The following MPHOSPH9 variants were observed in gnomAD, a reference collection of about 807,000 sequenced individuals.
The protein encoded by MPHOSPH9 is M-phase phosphoprotein 9.
In MPHOSPH9, 88 loss-of-function variants were observed where a neutral mutation model predicts 145.5. That is an observed-to-expected ratio of 0.60 (90% CI 0.51 to 0.72). MPHOSPH9 has a LOEUF of 0.72. MPHOSPH9 is among the 30% of genes least tolerant of loss of function. The pLI, the probability that MPHOSPH9 is intolerant of heterozygous loss-of-function variation, is 0.00. For synonymous variants in MPHOSPH9, 435 were observed against 486.2 expected (o/e 0.89, Z 1.39); for missense variants, 1,238 against 1,386.6 (o/e 0.89, Z 1.70).
intron 8 of MPHOSPH9, 144 bp downstream of exon 8, chr12:123,209,912 A>G: frequency 2.3e-6 from 1 of 434,336 alleles, no homozygotes; most frequent in Non-Finnish European, 4.0e-6. Context: ...AATTTTTTGT[A>G]TTTTTAGTAG....
chr12:123,205,127 C>T (rs4759407), intron 8 of MPHOSPH9, among the ~76,000 whole-genome samples: 7,204 of 152,230 alleles, frequency 0.047, 317 homozygotes, highest in East Asian at 0.27. Context: ...ACTGAAAGAA[C>T]ACATTAATCA....
At chr12:123,232,920 C>G (rs968350611) in intron 1 of MPHOSPH9, 155 bp downstream of exon 1, 1 of 152,352 alleles carries the variant, frequency 6.6e-6, no homozygotes, top group Non-Finnish European at 1.5e-5. Context: ...AGCTCCCACA[C>G]GCCGAAGGGC....
At chr12:123,225,277 C>G (rs555382559) in intron 3 of MPHOSPH9, among the ~76,000 whole-genome samples, 7,011 of 151,074 alleles carry the variant, frequency 0.046, 307 homozygotes, top group East Asian at 0.27. Flanking sequence ...AACCTTGTCT[C>G]AACAAAAAAT....
chr12:123,222,309 A>G (rs1301382184), intron 4 of MPHOSPH9, among the ~76,000 whole-genome samples: 1 of 146,454 alleles, frequency 6.8e-6, no homozygotes, highest in Non-Finnish European at 1.5e-5. Context: ...TGGGTGACAG[A>G]GTGAGACCTT....
intron 15 of MPHOSPH9, among the ~76,000 whole-genome samples, chr12:123,177,852 T>C (rs1316369819): frequency 1.1e-5 from 1 of 92,050 alleles, no homozygotes; most frequent in East Asian, 3.8e-4. Context: ...ACCAAAAAAA[T>C]TTCAAAAAAA....
At position 123,171,037 on chromosome 12, in the gene MPHOSPH9, G is replaced by T. The variant is rs763880462; in HGVS notation, c.2457-4248C>A. Among the ~76,000 whole-genome samples, 32 of 152,314 alleles carry T rather than the reference G, an allele frequency of 2.1e-4. 1 individual carries two copies. The highest frequency in any genetic ancestry group is 4.0e-4 in the Non-Finnish European group (27 of 68,034). ...ATTAGCCATCAGGGATCTGTGCGCT[G>T]CTTGTTATATTCTTTTACCATTTTT... On this transcript the variant is annotated intron_variant, in intron 16 of 23. Transcript: ENST00000606320.
chr12:123,180,599 G>A (rs1470463998), intron 14 of MPHOSPH9, among the ~76,000 whole-genome samples: 1 of 152,204 alleles, frequency 6.6e-6, no homozygotes, highest in African/African-American at 2.4e-5. Flanking sequence ...ATGGCTGGGT[G>A]CAGTGGCTCA....
At chr12:123,217,824 A>C (rs1293460259) in intron 6 of MPHOSPH9, among the ~76,000 whole-genome samples, 3 of 151,864 alleles carry the variant, frequency 2.0e-5, no homozygotes, top group African/African-American at 7.3e-5. Flanking sequence ...TGGGTGGATC[A>C]CCTGAGGTCA....
At chr12:123,169,751 C>T (rs1443569793) in intron 16 of MPHOSPH9, among the ~76,000 whole-genome samples, 2 of 151,656 alleles carry the variant, frequency 1.3e-5, no homozygotes, top group Non-Finnish European at 2.9e-5. Flanking sequence ...CAGGGGCCCA[C>T]CACTGTGCCC....
chr12:123,213,086 C>G (rs1017640098), intron 7 of MPHOSPH9, among the ~76,000 whole-genome samples: 11 of 151,992 alleles, frequency 7.2e-5, no homozygotes, highest in Admixed American at 2.0e-4. Context: ...GTCTCGATCG[C>G]CTGACCTCGT....
rs1487049030 is a variant in MPHOSPH9, at chr12:123,165,292, A to G, written c.2767+10T>C. On this transcript the variant is annotated intron_variant, in intron 18 of 23. Coordinates refer to ENST00000606320, the MANE Select transcript of MPHOSPH9 (RefSeq NM_022782.4). Reference sequence around the variant, plus strand: ...CTATATCCATCTATCTCAAACAAGGAAATACTCACTATTTGAGGTGTCCTC... The same window carrying G: ...CTATATCCATCTATCTCAAACAAGGGAATACTCACTATTTGAGGTGTCCTC... The G allele has an allele frequency of 1.9e-6, 3 of 1,603,524 alleles. No individual in the cohort carries two copies. Among genetic ancestry groups the G allele is most frequent in the Non-Finnish European group, 1.7e-6 (2 of 1,173,010 alleles).
Position 123,154,276 on chromosome 12 carries a change from A to G in MPHOSPH9, c.*2531T>C, listed in dbSNP as rs2043821119. The G allele has an allele frequency of 6.6e-6, 1 of 151,872 alleles. No homozygotes were observed. Among genetic ancestry groups the G allele is most frequent in the African/African-American group, 2.4e-5 (1 of 41,352 alleles). The allele number at this position is 151,872 out of a possible 1,614,324, so 9.4% of individuals were successfully genotyped here. The stretch of plus-strand genomic sequence containing the variant: ...TGCAGCAAAGCCCCAAGCCAACAAC[A>G]AAAATAGTTTATACCCGGGGATAAT... On this transcript the variant is annotated 3_prime_UTR_variant, in exon 24 of 24. Coordinates refer to ENST00000606320, the MANE Select transcript of MPHOSPH9 (RefSeq NM_022782.4).
intron 8 of MPHOSPH9, among the ~76,000 whole-genome samples, chr12:123,205,444 G>A (rs1341298402): frequency 6.6e-6 from 1 of 152,060 alleles, no homozygotes; most frequent in Non-Finnish European, 1.5e-5. Context: ...TACTTGGGAG[G>A]CTGAAGCAGG....
chr12:123,168,397 G>A (rs1398220804), intron 16 of MPHOSPH9, among the ~76,000 whole-genome samples: 4 of 147,548 alleles, frequency 2.7e-5, no homozygotes, highest in African/African-American at 5.1e-5. Flanking sequence ...GCTGGAGTAC[G>A]GTGGCGTGAT....
In MPHOSPH9 at chr12:123,221,367, C is replaced by A; in HGVS notation, c.872+5G>T. 6.4e-7 allele frequency: 1 copy of A among 1,558,212 alleles called. No individual in the cohort carries two copies. The highest frequency in any genetic ancestry group is 8.7e-7 in the Non-Finnish European group (1 of 1,153,860). ...CTCCCTTCAAATGATAGAAATTCTA[C>A]TTACCTATTTGTTTTCCCACTGTAT... is the stretch of plus-strand genomic sequence containing the variant. On this transcript the variant is annotated splice_donor_5th_base_variant and intron_variant, in intron 5 of 23. Coordinates refer to ENST00000606320, the MANE Select transcript of MPHOSPH9 (RefSeq NM_022782.4).
Position 123,227,524 on chromosome 12 carries a change from G to T in MPHOSPH9, c.197C>A (p.Ser66Tyr), listed in dbSNP as rs1020419171. The part of the protein sequence containing the change: ...VIQGTVEVLT[S>Y]LMQELQNSGK... Reference sequence around the variant, plus strand: ...ACTGTTTTGTAGCTCTTGCATTAAAGAAGTTAGGACTTCAACTGTACCTTG... The same window carrying T: ...ACTGTTTTGTAGCTCTTGCATTAAATAAGTTAGGACTTCAACTGTACCTTG... Residue 66 changes from serine to tyrosine, a missense_variant, in exon 3 of 24, where the codon TCT becomes TAT. Coordinates refer to ENST00000606320, the MANE Select transcript of MPHOSPH9 (RefSeq NM_022782.4). 9 of 1,531,122 alleles carry T rather than the reference G, an allele frequency of 5.9e-6. No homozygotes were observed. Among genetic ancestry groups the T allele is most frequent in the Admixed American group, 2.0e-5 (1 of 50,760 alleles). The allele number at this position is 1,531,122 out of a possible 1,614,324, so 94.8% of individuals were successfully genotyped here.
chr12:123,239,223 GGC>G (rs2047893621), intron 1 of MPHOSPH9, among the ~76,000 whole-genome samples: 1 of 152,160 alleles, frequency 6.6e-6, no homozygotes, highest in East Asian at 1.9e-4. Flanking sequence ...GAGCTGAGAT[GGC>G]GCCACTATAC....
At chr12:123,235,758 T>C (rs898490213), upstream of MPHOSPH9, among the ~76,000 whole-genome samples, 5 of 151,926 alleles carry the variant, frequency 3.3e-5, no homozygotes, top group Non-Finnish European at 7.4e-5. Flanking sequence ...TGTACTTGAC[T>C]AGTCTTTTTA....
chr12:123,176,702 T>C lies in MPHOSPH9; in HGVS notation c.2442A>G (p.Arg814=). 6.2e-7 allele frequency: 1 copy of C among 1,612,268 alleles called. No individual in the cohort carries two copies. Among genetic ancestry groups the C allele is most frequent in the Non-Finnish European group, 8.5e-7 (1 of 1,178,418 alleles). The change falls in exon 16 of 24, where the codon AGA becomes AGG. Residue 814 remains arginine (R), a synonymous_variant. Transcript: ENST00000606320. ...SLRHNSRIHV[R]PSRANTLATS... is the part of the protein sequence containing the mutation. ...AAATAACTTACTTGGCACGCGAGGGTCTCACGTGAATTCTAGAATTATGAC... is the reference window on the plus strand; with the variant it reads ...AAATAACTTACTTGGCACGCGAGGGCCTCACGTGAATTCTAGAATTATGAC...
Sources: allele counts gnomAD v4.1 joint callset (sites outside exome capture counted in the v4.1 genomes callset), GRCh38; gene constraint gnomAD v4.1.1; transcripts MANE v1.5; gene names NCBI Gene and HGNC (gene_info 2026-07-23, HGNC 2026-07-21).